The following KYAT1 variants were observed in gnomAD, a reference collection of about 807,000 sequenced individuals.
KYAT1 encodes kynurenine aminotransferase 1.
In KYAT1, 47 loss-of-function variants were observed where a neutral mutation model predicts 52.4. That is an observed-to-expected ratio of 0.90 (90% CI 0.71 to 1.14). The LOEUF (loss-of-function observed/expected upper bound fraction) is 1.14. KYAT1 is among the 50% of genes most tolerant of loss of function. The pLI is 0.00. For missense variants in KYAT1, 480 were observed against 557.9 expected, an observed-to-expected ratio of 0.86 and a Z score of 1.41; for synonymous variants, 212 against 209.6, an observed-to-expected ratio of 1.01 and a Z score of -0.10.
chr9:128,876,960 A>T (rs1838134427), intron 1 of KYAT1, among the ~76,000 whole-genome samples: 1 of 151,684 alleles, frequency 6.6e-6, no homozygotes, highest in Admixed American at 6.6e-5. Context: ...GTGTAATGGC[A>T]CGATCTCGGC....
chr9:128,859,004 A>G (rs1185210706), intron 1 of KYAT1, among the ~76,000 whole-genome samples: 1 of 151,598 alleles, frequency 6.6e-6, no homozygotes, highest in Non-Finnish European at 1.5e-5. Flanking sequence ...AAAAAAAAAA[A>G]AAAAGCAAAG....
intron 11 of KYAT1, chr9:128,835,041 G>A: frequency 7.2e-6 from 3 of 415,204 alleles, no homozygotes; most frequent in Middle Eastern, 7.1e-4. Context: ...GGAGGCTGAG[G>A]CAGGAGAATG....
At chr9:128,843,924 A>G (rs1227523801) in intron 2 of KYAT1, among the ~76,000 whole-genome samples, 1 of 152,194 alleles carries the variant, frequency 6.6e-6, no homozygotes, top group Non-Finnish European at 1.5e-5. Context: ...TTGTTCCTGG[A>G]CCACTGTGGG....
chr9:128,845,376 T>G lies in KYAT1; in HGVS notation c.30A>C (p.Leu10=), dbSNP rs1239336949. The change falls in exon 2 of 13, where the codon CTA becomes CTC. Residue 10 remains leucine (L), a synonymous_variant. Transcript: ENST00000302586. Reference sequence around the variant, plus strand: ...ACCAGGGGTTGTAGTCGATCCCGTCTAGCCTTCGGGCCTGCAGCTGTTTGG... The same window carrying G: ...ACCAGGGGTTGTAGTCGATCCCGTCGAGCCTTCGGGCCTGCAGCTGTTTGG... MAKQLQARR[L]DGIDYNPWVE... 6.2e-7 allele frequency: 1 copy of G among 1,613,862 alleles called. No individual in the cohort carries two copies. The highest frequency in any genetic ancestry group is 2.2e-5 in the East Asian group (1 of 44,902).
At chr9:128,857,274 A>C (rs538519040) in intron 1 of KYAT1, among the ~76,000 whole-genome samples, 1 of 152,350 alleles carries the variant, frequency 6.6e-6, no homozygotes, top group African/African-American at 2.4e-5. Context: ...AATAAAAATA[A>C]TAATCAATAA....
At position 128,833,307 on chromosome 9, in the gene KYAT1, G is replaced by C; in HGVS notation, c.*277C>G. On this transcript the variant is annotated 3_prime_UTR_variant, in exon 13 of 13. Coordinates refer to ENST00000302586, the MANE Select transcript of KYAT1 (RefSeq NM_004059.5). ...TCTACCGTCCGTCTCAGCCAAGCCT[G>C]GAGAGACCAGAAGCAACACAAGACC... 1 of 571,540 alleles carries C rather than the reference G, an allele frequency of 1.7e-6. No individual in the cohort carries two copies. Among genetic ancestry groups the C allele is most frequent in the South Asian group, 2.0e-5 (1 of 48,876 alleles). 35.4% of individuals were successfully genotyped at this position (571,540 alleles called of 1,614,324 possible). A position where few individuals can be genotyped will look rare whatever the true frequency, so the allele number is the denominator to read the frequency against.
intron 1 of KYAT1, among the ~76,000 whole-genome samples, chr9:128,870,430 T>C (rs1487213762): frequency 6.6e-6 from 1 of 152,092 alleles, no homozygotes; most frequent in South Asian, 2.1e-4. Context: ...GGAGGATCAT[T>C]GTTTGACACC....
rs1031856039 is a variant in KYAT1 at position 128,835,520 on chromosome 9, G to C, written c.1003C>G (p.Gln335Glu). 6.2e-7 allele frequency: 1 copy of C among 1,613,792 alleles called. No individual in the cohort carries two copies. Among genetic ancestry groups the C allele is most frequent in the East Asian group, 2.2e-5 (1 of 44,888 alleles). The change falls in exon 10 of 13, where the codon CAG (glutamine) becomes GAG (glutamate). Residue 335 changes from glutamine (Q) to glutamate (E), a missense_variant. Coordinates refer to ENST00000302586, the MANE Select transcript of KYAT1 (RefSeq NM_004059.5). ...QSVGLKPIIP[Q>E]GSYFLITDIS... ...TCTGTGATGAGGAAGTAGCTGCCCT[G>C]AGGGATGATGGGCTTCAGGCCCACT...
chr9:128,882,079 C>T (rs1839032335), upstream of KYAT1: 1 of 152,280 alleles, frequency 6.6e-6, no homozygotes, highest in Non-Finnish European at 1.5e-5. Context: ...TGGCGACGCC[C>T]TGGCCGCCGC....
At chr9:128,854,057 T>G (rs1258113043) in intron 1 of KYAT1, among the ~76,000 whole-genome samples, 2 of 152,156 alleles carry the variant, frequency 1.3e-5, no homozygotes, top group African/African-American at 2.4e-5. Flanking sequence ...CATAAAAAAT[T>G]AAAACAGATA....
At chr9:128,879,173 G>A (rs138726866) in intron 1 of KYAT1, among the ~76,000 whole-genome samples, 2 of 152,312 alleles carry the variant, frequency 1.3e-5, no homozygotes, top group Non-Finnish European at 2.9e-5. Flanking sequence ...AGCCAGGCGT[G>A]GTGGCGGGTG....
chr9:128,862,081 C>T (rs1006961022), intron 1 of KYAT1, among the ~76,000 whole-genome samples: 1 of 152,238 alleles, frequency 6.6e-6, no homozygotes, highest in Admixed American at 6.5e-5. Context: ...TCCCCCACAT[C>T]GGACTCTGTG....
intron 1 of KYAT1, among the ~76,000 whole-genome samples, chr9:128,875,640 G>A (rs1379485114): frequency 4.6e-5 from 7 of 151,722 alleles, no homozygotes; most frequent in Admixed American, 1.3e-4. Flanking sequence ...AAAAAAAAAT[G>A]TGTGGGATAA....
chr9:128,871,088 G>A lies in KYAT1; in HGVS notation c.-7+10809C>T, dbSNP rs778060842. Among the ~76,000 whole-genome samples, 6 of 152,204 alleles carry A rather than the reference G, an allele frequency of 3.9e-5. No individual in the cohort carries two copies. In the East Asian group the frequency reaches 9.7e-4, roughly 25 times the overall value. ...TCTCAGCACTTCAGGAGGCAAAGGC[G>A]GGTAGATTGCTTGAGCTCAGGAGTT... is the stretch of plus-strand genomic sequence containing the variant. On this transcript the variant is annotated intron_variant, in intron 1 of 12. Transcript: ENST00000302586.
chr9:128,846,618 A>G lies in KYAT1; in HGVS notation c.-6-1207T>C, dbSNP rs938747435. The stretch of plus-strand genomic sequence containing the variant: ...ACTCTACCAAAAAAAAAAAAAAAAA[A>G]AAAAAAAGAAAGAAAGAAATTGGCC... On this transcript the variant is annotated intron_variant, in intron 1 of 12. Coordinates refer to ENST00000302586, the MANE Select transcript of KYAT1 (RefSeq NM_004059.5). 9.5e-6 allele frequency: 10 copies of G among 1,052,866 alleles called. No homozygotes were observed. In the African/African-American group the frequency reaches 9.7e-5, roughly 10 times the overall value. 65.2% of individuals were successfully genotyped at this position (1,052,866 alleles called of 1,614,324 possible).
At position 128,855,719 on chromosome 9, in the gene KYAT1, C is replaced by G. The variant is rs1305648601; in HGVS notation, c.-6-10308G>C. Among the ~76,000 whole-genome samples the G allele has an allele frequency of 2.6e-5, 4 of 152,072 alleles. No individual in the cohort carries two copies. The East Asian group carries it at 7.8e-4, about 30-fold the overall frequency. The stretch of plus-strand genomic sequence containing the variant: ...TGTGTGGATCCCTGTGTCCATGGAC[C>G]GACCGTGGGAGGCTTCCCCATCCAT... On this transcript the variant is annotated intron_variant, in intron 1 of 12. Coordinates refer to ENST00000302586, the MANE Select transcript of KYAT1 (RefSeq NM_004059.5).
chr9:128,878,660 T>G (rs1194889020), intron 1 of KYAT1, among the ~76,000 whole-genome samples: 1 of 152,134 alleles, frequency 6.6e-6, no homozygotes, highest in Non-Finnish European at 1.5e-5. Context: ...ACAGTCCCCC[T>G]GGGCTTAGGA....
At chr9:128,880,445 AT>A (rs201602581) in intron 1 of KYAT1, among the ~76,000 whole-genome samples, 12,937 of 142,898 alleles carry the variant, frequency 0.091, 790 homozygotes, top group African/African-American at 0.19. Flanking sequence ...CCTGGCTATG[AT>A]TTTTTTTTTT....
chr9:128,862,486 G>T (rs1006761519), intron 1 of KYAT1, among the ~76,000 whole-genome samples: 39 of 152,178 alleles, frequency 2.6e-4, no homozygotes, highest in African/African-American at 9.2e-4. Context: ...AGGCCTTATA[G>T]CAGATTGTAC....
Sources: allele counts gnomAD v4.1 joint callset (sites outside exome capture counted in the v4.1 genomes callset), GRCh38; gene constraint gnomAD v4.1.1; transcripts MANE v1.5; gene names NCBI Gene and HGNC (gene_info 2026-07-23, HGNC 2026-07-21).